Variants in MYO6 observed in about 807,000 individuals in gnomAD.
The protein encoded by MYO6 is unconventional myosin-VI.
Under a neutral mutation model 178.7 loss-of-function variants are expected in MYO6, and 74 were observed. That is an observed-to-expected ratio of 0.41 (90% CI 0.34 to 0.50). The LOEUF is 0.50. MYO6 is among the 20% of genes least tolerant of loss of function. The probability of loss-of-function intolerance (pLI) is 0.09; values close to 1 mark genes in which losing one functional copy is unlikely to be tolerated. For missense variants in MYO6, 1,330 were observed against 1,547.4 expected, an observed-to-expected ratio of 0.86 and a Z score of 2.36; for synonymous variants, 477 against 504.6, an observed-to-expected ratio of 0.95 and a Z score of 0.73.
At chr6:75,872,000 G>C (rs555991056) in intron 19 of MYO6, among the ~76,000 whole-genome samples, 1 of 151,950 alleles carries the variant, frequency 6.6e-6, no homozygotes, top group Non-Finnish European at 1.5e-5. Context: ...ATGGTGGGGC[G>C]CACTTGTAAT....
chr6:75,910,430 TC>T (rs1780676279), intron 32 of MYO6, among the ~76,000 whole-genome samples: 1 of 152,188 alleles, frequency 6.6e-6, no homozygotes, highest in Non-Finnish European at 1.5e-5. Context: ...ACCTTATTCA[TC>T]TAGCTTTACC....
chr6:75,774,596 A>G (rs1012177360), intron 1 of MYO6, among the ~76,000 whole-genome samples: 2 of 152,126 alleles, frequency 1.3e-5, no homozygotes, highest in African/African-American at 4.8e-5. Flanking sequence ...TCATGTAACA[A>G]TTGTCTTCTT....
intron 1 of MYO6, among the ~76,000 whole-genome samples, chr6:75,752,513 CA>C (rs1320246232): frequency 5.3e-5 from 8 of 152,204 alleles, no homozygotes; most frequent in Non-Finnish European, 8.8e-5. Flanking sequence ...TCTGGATTCA[CA>C]CCTGAGTCAT....
At chr6:75,879,367 C>CTGAGTAGCTGAGA (rs879345385) in intron 20 of MYO6, among the ~76,000 whole-genome samples, 235 of 152,174 alleles carry the variant, frequency 1.5e-3, no homozygotes, top group Non-Finnish European at 2.7e-3. Context: ...GTCTCAGCCC[C>CTGAGTAGCTGAGA]CTGAGTAGCT....
chr6:75,904,689 C>T lies in MYO6; in HGVS notation c.3177-2916C>T, dbSNP rs548866226. Among the ~76,000 whole-genome samples the T allele has an allele frequency of 7.9e-4, 120 of 152,282 alleles. No individual in the cohort carries two copies. In the Middle Eastern group the frequency reaches 0.017, roughly 22 times the overall value. ...TTGGTTTGAATGTCCTCCCGTAGCT[C>T]GGAGTAATTTGGTCGTCTGAAGCCT... On this transcript the variant is annotated intron_variant, in intron 30 of 34. Coordinates refer to ENST00000369977, the MANE Select transcript of MYO6 (RefSeq NM_004999.4).
chr6:75,869,210 G>A (rs1442692432), intron 18 of MYO6, among the ~76,000 whole-genome samples: 2 of 151,014 alleles, frequency 1.3e-5, no homozygotes, highest in Non-Finnish European at 2.9e-5. Context: ...GATTGATTAC[G>A]GTTGTCAGAA....
At chr6:75,775,951 T>A (rs1012512812) in intron 1 of MYO6, among the ~76,000 whole-genome samples, 5 of 152,196 alleles carry the variant, frequency 3.3e-5, no homozygotes, top group South Asian at 2.1e-4. Context: ...GTGTAGCGTA[T>A]CATTTCTTTA....
intron 30 of MYO6, among the ~76,000 whole-genome samples, chr6:75,898,898 T>C (rs1779515789): frequency 6.6e-6 from 1 of 152,234 alleles, no homozygotes. Flanking sequence ...CAGCAGGATC[T>C]GGTCCATTAC....
chr6:75,769,895 G>A (rs112274964), intron 1 of MYO6, among the ~76,000 whole-genome samples: 3,105 of 151,802 alleles, frequency 0.02, 107 homozygotes, highest in African/African-American at 0.071. Context: ...GTGAGACTCT[G>A]TCTCAAAGGA....
In MYO6 at chr6:75,914,079, A is replaced by G. The variant is rs1201733764; in HGVS notation, c.3456A>G (p.Ala1152=). The part of the protein sequence containing the change: ...FLNNSPQQNP[A]AQIPARQREI... The stretch of plus-strand genomic sequence containing the variant: ...GTGTAATAGCTCAGCAAAACCCAGC[A>G]GCTCAGATTCCTGCCAGGCAGCGGG... The change falls in exon 34 of 35, where the codon GCA becomes GCG. Residue 1152 remains alanine (A), a synonymous_variant. Coordinates refer to ENST00000369977, the MANE Select transcript of MYO6 (RefSeq NM_004999.4). The G allele has an allele frequency of 3.1e-6, 5 of 1,614,164 alleles. No individual in the cohort carries two copies. Among genetic ancestry groups the G allele is most frequent in the Non-Finnish European group, 4.2e-6 (5 of 1,180,038 alleles).
chr6:75,839,648 T>C (rs1403216098), intron 7 of MYO6, among the ~76,000 whole-genome samples: 1 of 152,204 alleles, frequency 6.6e-6, no homozygotes, highest in Non-Finnish European at 1.5e-5. Flanking sequence ...GAGTAGAATC[T>C]AGTAACTCTT....
chr6:75,899,897 T>C (rs1467363632), intron 30 of MYO6, among the ~76,000 whole-genome samples: 3 of 100,528 alleles, frequency 3.0e-5, no homozygotes, highest in African/African-American at 4.0e-5. Context: ...CCCCCCACCC[T>C]ACAACAGTCC....
intron 1 of MYO6, among the ~76,000 whole-genome samples, chr6:75,763,135 T>G (rs892652015): frequency 2.6e-5 from 4 of 151,862 alleles, no homozygotes; most frequent in African/African-American, 9.7e-5. Flanking sequence ...CAAGCGATTC[T>G]CCTGCCTTAG....
intron 1 of MYO6, among the ~76,000 whole-genome samples, chr6:75,787,704 CTCTCTCTCTCTCTCTCTCTCTCTCTCTA>C (rs1417322351): frequency 7.2e-5 from 5 of 69,394 alleles, no homozygotes; most frequent in Non-Finnish European, 1.5e-4. Context: ...CTCTCTCTCT[CTCTCTCTCTCTCTCTCTCTCTCTCTCTA>C]TATATATATA....
chr6:75,874,431 C>G (rs903388493), intron 20 of MYO6, among the ~76,000 whole-genome samples: 3 of 152,164 alleles, frequency 2.0e-5, no homozygotes, highest in Non-Finnish European at 2.9e-5. Flanking sequence ...CTGGTCAGAC[C>G]CATCCTGCTT....
At chr6:75,897,581 CT>C in intron 29 of MYO6, among the ~76,000 whole-genome samples, 1 of 152,190 alleles carries the variant, frequency 6.6e-6, no homozygotes, top group East Asian at 1.9e-4. Context: ...ATCTTCTTTT[CT>C]TATGATTTTA....
At chr6:75,870,524 A>T in intron 18 of MYO6, 123 bp from the exon 19 acceptor site, 1 of 769,310 alleles carries the variant, frequency 1.3e-6, no homozygotes, top group Non-Finnish European at 2.3e-6. Flanking sequence ...GTTAAACTGG[A>T]ATGTGTTGTA....
intron 1 of MYO6, among the ~76,000 whole-genome samples, chr6:75,808,099 C>G (rs1770282478): frequency 6.6e-6 from 1 of 152,154 alleles, no homozygotes; most frequent in Non-Finnish European, 1.5e-5. Context: ...CTTGTTAAAA[C>G]AGCAAGGAAT....
intron 1 of MYO6, among the ~76,000 whole-genome samples, chr6:75,792,491 G>GTT (rs1768347812): frequency 6.6e-6 from 1 of 152,088 alleles, no homozygotes; most frequent in Non-Finnish European, 1.5e-5. Context: ...TAACAACAGT[G>GTT]TTTTCTCTCT....
Sources: allele counts gnomAD v4.1 joint callset (sites outside exome capture counted in the v4.1 genomes callset), GRCh38; gene constraint gnomAD v4.1.1; transcripts MANE v1.5; gene names NCBI Gene and HGNC (gene_info 2026-07-23, HGNC 2026-07-21).